Variants in LRSAM1 observed in about 807,000 individuals in gnomAD.
LRSAM1 encodes leucine rich repeat and sterile alpha motif containing 1.
LRSAM1 carries 96 observed loss-of-function variants against 118.1 expected under a neutral mutation model. The observed-to-expected ratio is 0.81, with a 90% CI of 0.69 to 0.96. The LOEUF (loss-of-function observed/expected upper bound fraction) is 0.96, where lower values mean the gene tolerates loss of function less well. Ranked by LOEUF, LRSAM1 falls within the 40% of genes least tolerant of loss-of-function variation. The pLI, the probability that LRSAM1 is intolerant of heterozygous loss-of-function variation, is 0.00. For missense variants in LRSAM1, 804 were observed against 915.5 expected (o/e 0.88, Z 1.57); for synonymous variants, 322 against 364.2 (o/e 0.88, Z 1.32).
chr9:127,453,994 C>T (rs1199399973), intron 2 of LRSAM1: 3 of 243,088 alleles, frequency 1.2e-5, no homozygotes, highest in Admixed American at 5.2e-5. Flanking sequence ...GACACTGACC[C>T]TTACCCCATG....
Position 127,461,226 on chromosome 9 carries a change from C to G in LRSAM1, c.375C>G (p.Asn125Lys). Residue 125 changes from asparagine (N) to lysine (K), a missense_variant, in exon 8 of 26, where the codon AAC becomes AAG. By Grantham distance (94) the Asn-to-Lys change is moderately conservative. Coordinates refer to ENST00000300417, the MANE Select transcript of LRSAM1 (RefSeq NM_001005373.4). ...QLMQLPRSIG[N>K]LTQLQTLNVK... ...TGCAGCTCCCACGTTCCATTGGGAACCTGACCCAGCTCCAGACTCTCAATG... is the reference window on the plus strand; with the variant it reads ...TGCAGCTCCCACGTTCCATTGGGAAGCTGACCCAGCTCCAGACTCTCAATG... 6.2e-7 allele frequency: 1 copy of G among 1,612,364 alleles called. No individual in the cohort carries two copies. The highest frequency in any genetic ancestry group is 1.7e-5 in the Admixed American group (1 of 59,974).
intron 9 of LRSAM1, among the ~76,000 whole-genome samples, chr9:127,463,995 A>G (rs933541272): frequency 6.6e-6 from 1 of 152,242 alleles, no homozygotes; most frequent in Non-Finnish European, 1.5e-5. Context: ...GGCCGTCTGA[A>G]GCTGACGCCT....
intron 8 of LRSAM1, among the ~76,000 whole-genome samples, 200 bp from the exon 9 acceptor site, chr9:127,462,052 G>T (rs1040200052): frequency 6.6e-6 from 1 of 152,216 alleles, no homozygotes; most frequent in Non-Finnish European, 1.5e-5. Flanking sequence ...AGGAGGCAAA[G>T]CCAGTTGTCT....
Position 127,464,273 on chromosome 9 carries a change from A to G in LRSAM1, c.528+1900A>G, listed in dbSNP as rs1359129072. Among the ~76,000 whole-genome samples, 5 of 152,194 alleles carry G rather than the reference A, an allele frequency of 3.3e-5. No homozygotes were observed. The East Asian group carries it at 9.6e-4, about 29-fold the overall frequency. ...ACATGGCTTGTCCTCTCTGCTGCCTACTGGAACTTTCTGCAATGATGGAAA... is the reference window on the plus strand; with the variant it reads ...ACATGGCTTGTCCTCTCTGCTGCCTGCTGGAACTTTCTGCAATGATGGAAA... On this transcript the variant is annotated intron_variant, in intron 9 of 25. Coordinates refer to ENST00000300417, the MANE Select transcript of LRSAM1 (RefSeq NM_001005373.4).
At chr9:127,456,603 G>A (rs1052756462) in intron 5 of LRSAM1, among the ~76,000 whole-genome samples, 5 of 151,572 alleles carry the variant, frequency 3.3e-5, no homozygotes, top group Non-Finnish European at 5.9e-5. Flanking sequence ...GGTGGCTCAT[G>A]CCTGTAATCC....
chr9:127,492,353 G>A (rs1835962773), intron 20 of LRSAM1, among the ~76,000 whole-genome samples: 1 of 152,230 alleles, frequency 6.6e-6, no homozygotes, highest in African/African-American at 2.4e-5. Context: ...CCACAAGTGT[G>A]GCAGGGCTCT....
At chr9:127,482,205 C>T (rs1274027316) in intron 15 of LRSAM1, among the ~76,000 whole-genome samples, 5 of 147,246 alleles carry the variant, frequency 3.4e-5, no homozygotes, top group Middle Eastern at 3.6e-3. Context: ...TGCAGTGGCA[C>T]GATCTCGGCT....
At chr9:127,454,671 T>G in intron 3 of LRSAM1, 72 bp downstream of exon 3, 1 of 1,474,892 alleles carries the variant, frequency 6.8e-7, no homozygotes, top group Non-Finnish European at 9.4e-7. Context: ...GCCTCCGCAC[T>G]GCCCCCAACA....
chr9:127,502,686 CAAAAAAAA>C (rs71380066), intron 25 of LRSAM1, 80 bp from the exon 26 acceptor site: 59 of 898,926 alleles, frequency 6.6e-5, no homozygotes, highest in East Asian at 2.9e-4. Context: ...GACTCTGTCT[CAAAAAAAA>C]AAAAAAAAAA....
intron 5 of LRSAM1, among the ~76,000 whole-genome samples, chr9:127,456,311 G>C (rs1271524074): frequency 1.3e-5 from 2 of 150,054 alleles, no homozygotes; most frequent in Non-Finnish European, 3.0e-5. Context: ...TCAGCTCACT[G>C]AAACCTCCGC....
chr9:127,487,883 T>G, intron 18 of LRSAM1, 120 bp downstream of exon 18: 1 of 714,108 alleles, frequency 1.4e-6, no homozygotes. Flanking sequence ...CAGAGGTTTG[T>G]GACCATAGAG....
chr9:127,477,819 A>G (rs1835393648), intron 11 of LRSAM1, among the ~76,000 whole-genome samples: 1 of 152,168 alleles, frequency 6.6e-6, no homozygotes, highest in African/African-American at 2.4e-5. Context: ...AGGCCGAGGC[A>G]AATGGATCAC....
chr9:127,469,841 TGTA>T (rs1257399356), intron 10 of LRSAM1, among the ~76,000 whole-genome samples: 1 of 151,994 alleles, frequency 6.6e-6, no homozygotes, highest in African/African-American at 2.4e-5. Flanking sequence ...GGCGGGCGCC[TGTA>T]GTCCCAGCTA....
intron 10 of LRSAM1, among the ~76,000 whole-genome samples, chr9:127,468,964 G>A (rs975955504): frequency 1.3e-5 from 2 of 151,772 alleles, no homozygotes; most frequent in East Asian, 1.9e-4. Flanking sequence ...CTCCAACAAA[G>A]CAATACCCTA....
intron 21 of LRSAM1, among the ~76,000 whole-genome samples, chr9:127,493,710 G>C (rs535383474): frequency 3.3e-4 from 50 of 152,292 alleles, no homozygotes; most frequent in African/African-American, 1.1e-3. Flanking sequence ...TGGCCCAGCT[G>C]TCCCTGTCCC....
At chr9:127,498,364 C>G (rs961158312) in intron 24 of LRSAM1, among the ~76,000 whole-genome samples, 3 of 152,226 alleles carry the variant, frequency 2.0e-5, no homozygotes, top group East Asian at 1.9e-4. Context: ...CCCCCCAGCT[C>G]TCAGACTGGA....
chr9:127,462,277 C>G lies in LRSAM1; in HGVS notation c.432C>G (p.Asp144Glu). 2 of 1,614,130 alleles carry G rather than the reference C, an allele frequency of 1.2e-6. No homozygotes were observed. The highest frequency in any genetic ancestry group is 1.7e-6 in the Non-Finnish European group (2 of 1,180,008). Reference protein sequence around the residue: ...VKDNKLKELPDTVGELRSLRT... With the variant: ...VKDNKLKELPETVGELRSLRT... ...ACAACAAGCTGAAGGAGCTTCCAGA[C>G]ACCGTGGGGGAGCTTCGAAGCCTGC... The change falls in exon 9 of 26, where the codon GAC becomes GAG. Residue 144 changes from aspartate to glutamate, a missense_variant. Coordinates refer to ENST00000300417, the MANE Select transcript of LRSAM1 (RefSeq NM_001005373.4).
At chr9:127,454,673 C>T (rs1564248414) in intron 3 of LRSAM1, 74 bp downstream of exon 3, 13 of 1,427,560 alleles carry the variant, frequency 9.1e-6, no homozygotes, top group Non-Finnish European at 1.3e-5. Context: ...CTCCGCACTG[C>T]CCCCAACAAG....
chr9:127,482,005 C>T (rs1036104098), intron 15 of LRSAM1, among the ~76,000 whole-genome samples: 10 of 151,664 alleles, frequency 6.6e-5, no homozygotes, highest in Admixed American at 6.6e-4. Context: ...TATTTAGTTA[C>T]ATAAATTATG....
Sources: gnomAD v4.1 joint callset for allele counts (sites outside exome capture counted in the v4.1 genomes callset) on GRCh38, gnomAD v4.1.1 for gene constraint, MANE v1.5 for transcripts, NCBI Gene and HGNC (gene_info 2026-07-23, HGNC 2026-07-21) for gene names.